Variants in GRM1 observed in about 807,000 individuals in gnomAD.
The protein encoded by GRM1 is glutamate metabotropic receptor 1.
A neutral mutation model predicts 90.9 loss-of-function variants in GRM1; 33 were observed. The ratio of observed to expected loss-of-function variants is 0.36; its 90% CI spans 0.28 to 0.49. The LOEUF is 0.49. Among genes scored for constraint, GRM1 ranks in the 20% least tolerant of loss-of-function variants. The probability of loss-of-function intolerance (pLI) is 0.99; values close to 1 mark genes in which losing one functional copy is unlikely to be tolerated. For synonymous variants in GRM1, 700 were observed against 613.2 expected, an observed-to-expected ratio of 1.14 and a Z score of -2.09; for missense variants, 1,190 against 1,534.3, an observed-to-expected ratio of 0.78 and a Z score of 3.75.
At chr6:146,034,976 C>T (rs1186472976) in intron 1 of GRM1, among the ~76,000 whole-genome samples, 2 of 151,810 alleles carry the variant, frequency 1.3e-5, no homozygotes, top group African/African-American at 4.8e-5. Context: ...AAAGCAATCA[C>T]AGTATAGACA....
chr6:146,356,901 G>A (rs1785605152), intron 4 of GRM1, among the ~76,000 whole-genome samples: 1 of 152,144 alleles, frequency 6.6e-6, no homozygotes, highest in African/African-American at 2.4e-5. Flanking sequence ...TTGCCATTGT[G>A]TAGTGTTCCG....
chr6:146,175,990 A>G (rs1326025811), intron 2 of GRM1, among the ~76,000 whole-genome samples: 2 of 152,150 alleles, frequency 1.3e-5, no homozygotes, highest in Non-Finnish European at 2.9e-5. Context: ...CACTAACTAT[A>G]GTAACTATCT....
intron 1 of GRM1, among the ~76,000 whole-genome samples, chr6:146,106,954 T>C (rs1168897816): frequency 6.6e-6 from 1 of 152,236 alleles, no homozygotes; most frequent in African/African-American, 2.4e-5. Context: ...CTTGATTCTG[T>C]ACTTCCAAGA....
At chr6:146,149,114 G>A (rs1433063280) in intron 1 of GRM1, among the ~76,000 whole-genome samples, 2 of 152,146 alleles carry the variant, frequency 1.3e-5, no homozygotes, top group Non-Finnish European at 2.9e-5. Context: ...GTGGATCATT[G>A]TATGAAGCTC....
chr6:146,314,149 C>G (rs773406727), intron 3 of GRM1, among the ~76,000 whole-genome samples: 2 of 141,268 alleles, frequency 1.4e-5, no homozygotes, highest in Non-Finnish European at 3.0e-5. Flanking sequence ...TCATTGCGAC[C>G]TCTGCCTCCC....
chr6:146,148,235 T>C (rs2128886891), intron 1 of GRM1, among the ~76,000 whole-genome samples: 1 of 152,262 alleles, frequency 6.6e-6, no homozygotes, highest in South Asian at 2.1e-4. Flanking sequence ...CTTATTTATA[T>C]TAACAAATTA....
chr6:146,184,103 G>A (rs2114556325), intron 2 of GRM1, among the ~76,000 whole-genome samples: 1 of 152,182 alleles, frequency 6.6e-6, no homozygotes, highest in African/African-American at 2.4e-5. Flanking sequence ...ACATATAATA[G>A]CACTTGCCAG....
intron 1 of GRM1, among the ~76,000 whole-genome samples, chr6:146,118,894 TA>T (rs1455953507): frequency 6.6e-6 from 1 of 152,266 alleles, no homozygotes; most frequent in Non-Finnish European, 1.5e-5. Context: ...AGTGCTGCAG[TA>T]AACATACATG....
intron 2 of GRM1, among the ~76,000 whole-genome samples, chr6:146,188,526 C>T (rs1263642042): frequency 6.6e-6 from 1 of 152,120 alleles, no homozygotes; most frequent in African/African-American, 2.4e-5. Context: ...CAAGAAGACT[C>T]CCATGAATAT....
intron 1 of GRM1, among the ~76,000 whole-genome samples, chr6:146,096,310 G>A (rs763063955): frequency 1.1e-4 from 16 of 152,104 alleles, no homozygotes; most frequent in Non-Finnish European, 2.2e-4. Context: ...GATTCAAAGG[G>A]TTGGAAGAGA....
At chr6:146,097,828 TA>T (rs1776922714) in intron 1 of GRM1, among the ~76,000 whole-genome samples, 1 of 152,268 alleles carries the variant, frequency 6.6e-6, no homozygotes, top group African/African-American at 2.4e-5. Context: ...TGTCCTGATT[TA>T]CACAGTCAGA....
intron 2 of GRM1, among the ~76,000 whole-genome samples, chr6:146,304,191 G>A (rs362953): frequency 0.011 from 1,729 of 152,152 alleles, 72 homozygotes; most frequent in East Asian, 0.079. Flanking sequence ...AATGATCTTC[G>A]TTGCAATGCT....
chr6:146,152,789 A>T (rs1777388283), intron 1 of GRM1, among the ~76,000 whole-genome samples: 1 of 152,208 alleles, frequency 6.6e-6, no homozygotes, highest in African/African-American at 2.4e-5. Flanking sequence ...TTAAGAGTTC[A>T]ATAAAATATT....
intron 1 of GRM1, among the ~76,000 whole-genome samples, chr6:146,037,740 G>T (rs1790942334): frequency 6.6e-6 from 1 of 151,902 alleles, no homozygotes; most frequent in Non-Finnish European, 1.5e-5. Flanking sequence ...TGTGTTCCTT[G>T]CCTTCTCTTT....
intron 5 of GRM1, among the ~76,000 whole-genome samples, chr6:146,378,358 C>T (rs373663731): frequency 2.0e-5 from 3 of 152,074 alleles, no homozygotes; most frequent in Non-Finnish European, 2.9e-5. Flanking sequence ...AACAGCAGCC[C>T]GTGAAAGCAG....
chr6:146,399,697 C>T lies in GRM1; in HGVS notation c.2658C>T (p.Ala886=). The part of the protein sequence containing the change: ...FRRKKAGAGN[A]NSNGKSVSWS... ...GAAAGAAGGCAGGGGCAGGGAATGC[C>T]AAGTGAGTTATCTGACCTGTTTGTC... Residue 886 remains alanine, a splice_region_variant and synonymous_variant, in exon 7 of 8, where the codon GCC becomes GCT. Coordinates refer to ENST00000282753, the MANE Select transcript of GRM1 (RefSeq NM_001278064.2). This position sits in a 1 kb window ranked among gnomAD's most constrained non-coding sequence, Gnocchi z 5.4. 6.2e-7 allele frequency: 1 copy of T among 1,600,258 alleles called. No homozygotes were observed. The highest frequency in any genetic ancestry group is 1.7e-5 in the Admixed American group (1 of 59,814).
At position 146,046,773 on chromosome 6, in the gene GRM1, G is replaced by A. The variant is rs892895057; in HGVS notation, c.700+16556G>A. ...AGTACAGTAAAATAATATTTTTTAT[G>A]TTTCCAAATTTTATGGGTACCCTGC... is the stretch of plus-strand genomic sequence containing the variant. On this transcript the variant is annotated intron_variant, in intron 1 of 7. Coordinates refer to ENST00000282753, the MANE Select transcript of GRM1 (RefSeq NM_001278064.2). 8.6e-5 allele frequency among the ~76,000 whole-genome samples: 13 copies of A among 151,846 alleles called. No individual in the cohort carries two copies. In the South Asian group the frequency reaches 2.7e-3, roughly 32 times the overall value.
chr6:146,270,970 T>G (rs1212451617), intron 2 of GRM1, among the ~76,000 whole-genome samples: 1 of 142,370 alleles, frequency 7.0e-6, no homozygotes, highest in South Asian at 2.1e-4. Context: ...TCTTTCTTTT[T>G]TTTTTCTCTC....
intron 3 of GRM1, among the ~76,000 whole-genome samples, chr6:146,331,795 AT>A (rs974391806): frequency 1.1e-4 from 16 of 152,102 alleles, no homozygotes; most frequent in Admixed American, 2.0e-4. Context: ...AAACATGTTT[AT>A]TTTTGAAGGT....
Sources: gnomAD v4.1 joint callset for allele counts (sites outside exome capture counted in the v4.1 genomes callset) on GRCh38, gnomAD v4.1.1 for gene constraint, Gnocchi (gnomAD v3.1) non-coding constraint, MANE v1.5 for transcripts, NCBI Gene and HGNC (gene_info 2026-07-23, HGNC 2026-07-21) for gene names.